FGD3: variants seen among roughly 807,000 people sequenced by gnomAD.
FGD3 encodes FYVE, RhoGEF and PH domain containing 3.
Under a neutral mutation model 71.8 loss-of-function variants are expected in FGD3, and 45 were observed. The observed-to-expected ratio is 0.63, with a 90% CI of 0.49 to 0.80. FGD3 has a LOEUF of 0.80. Ranked by LOEUF, FGD3 falls within the 30% of genes least tolerant of loss-of-function variation. The probability of loss-of-function intolerance (pLI) is 0.00; values close to 1 mark genes in which losing one functional copy is unlikely to be tolerated. For synonymous variants in FGD3, 378 were observed against 392.8 expected (o/e 0.96, Z 0.44); for missense variants, 844 against 951.5 (o/e 0.89, Z 1.49).
chr9:93,020,184 G>C, intron 12 of FGD3, 133 bp from the exon 13 acceptor site: 1 of 780,462 alleles, frequency 1.3e-6, no homozygotes, highest in Non-Finnish European at 2.0e-6. Flanking sequence ...GGGGAAGGGA[G>C]ATGGCCAGTG....
intron 2 of FGD3, among the ~76,000 whole-genome samples, chr9:92,975,938 T>C (rs1859735396): frequency 6.6e-6 from 1 of 152,214 alleles, no homozygotes; most frequent in African/African-American, 2.4e-5. Flanking sequence ...AGCAGATAGC[T>C]TCACACCACA....
chr9:93,018,305 C>A lies in FGD3; in HGVS notation c.1355+90C>A, dbSNP rs891158775. The stretch of plus-strand genomic sequence containing the variant: ...ACCTTGTAATATATTTTTATTTATG[C>A]ATGGCTTAAAATTTAAAAGTACTGT... On this transcript the variant is annotated intron_variant, in intron 11 of 17. Coordinates refer to ENST00000375482, the MANE Select transcript of FGD3 (RefSeq NM_001083536.2). 3.2e-6 allele frequency: 4 copies of A among 1,239,156 alleles called. 1 individual carries two copies. 76.8% of individuals were successfully genotyped at this position (1,239,156 alleles called of 1,614,324 possible).
intron 1 of FGD3, among the ~76,000 whole-genome samples, chr9:92,967,199 G>A (rs987444175): frequency 3.3e-5 from 5 of 152,128 alleles, no homozygotes; most frequent in Admixed American, 6.5e-5. Flanking sequence ...CTGACCTCAG[G>A]TGATCCATCT....
intron 1 of FGD3, among the ~76,000 whole-genome samples, 196 bp from the exon 2 acceptor site, chr9:92,975,042 T>G (rs1028561302): frequency 1.1e-4 from 16 of 152,304 alleles, no homozygotes; most frequent in African/African-American, 3.4e-4. Context: ...GGCCCCACCC[T>G]TTTGGAGGCA....
intron 17 of FGD3, 30 bp from the exon 18 acceptor site, chr9:93,035,308 C>T (rs1377237572): frequency 1.3e-6 from 2 of 1,595,166 alleles, no homozygotes; most frequent in Non-Finnish European, 1.7e-6. Context: ...GAAGCTGTGG[C>T]CCCGCTGACC....
At chr9:93,004,233 T>G (rs1408255709) in intron 5 of FGD3, 96 bp downstream of exon 5, 2 of 1,500,384 alleles carry the variant, frequency 1.3e-6, no homozygotes, top group Non-Finnish European at 1.8e-6. Flanking sequence ...GGGGACTGTC[T>G]CATGGTGGCT....
At chr9:92,994,035 C>T (rs952413021) in intron 3 of FGD3, among the ~76,000 whole-genome samples, 61 of 152,190 alleles carry the variant, frequency 4.0e-4, no homozygotes, top group African/African-American at 1.4e-3. Context: ...CTTGAGGAAT[C>T]GCCACACTGT....
chr9:93,035,315 G>C, intron 17 of FGD3, 23 bp from the exon 18 acceptor site: 1 of 1,600,966 alleles, frequency 6.2e-7, no homozygotes, highest in Non-Finnish European at 8.5e-7. Context: ...TGGCCCCGCT[G>C]ACCATCTGCT....
intron 1 of FGD3, among the ~76,000 whole-genome samples, chr9:92,966,337 C>T (rs1322821502): frequency 6.6e-6 from 1 of 152,230 alleles, no homozygotes; most frequent in Non-Finnish European, 1.5e-5. Context: ...CCCGTGGTGC[C>T]TCCGTCCCCA....
chr9:93,023,795 C>CCTTTTTTTTT (rs1862017356), intron 14 of FGD3, among the ~76,000 whole-genome samples: 2 of 107,688 alleles, frequency 1.9e-5, no homozygotes, highest in African/African-American at 7.7e-5. Context: ...CCATCAGCAA[C>CCTTTTTTTTT]TTTTTTTTTT....
At chr9:92,983,815 A>G (rs1860088748) in intron 3 of FGD3, among the ~76,000 whole-genome samples, 2 of 152,348 alleles carry the variant, frequency 1.3e-5, no homozygotes, top group South Asian at 4.1e-4. Context: ...TTTATCATAT[A>G]TAATTTAAAA....
chr9:93,014,074 G>A lies in FGD3; in HGVS notation c.1182+76G>A, dbSNP rs961695206. The A allele has an allele frequency of 8.0e-6, 12 of 1,496,232 alleles. No individual in the cohort carries two copies. The African/African-American group carries it at 1.6e-4, about 19-fold the overall frequency. 92.7% of individuals were successfully genotyped at this position (1,496,232 alleles called of 1,614,324 possible). On this transcript the variant is annotated intron_variant, in intron 9 of 17. Coordinates refer to ENST00000375482, the MANE Select transcript of FGD3 (RefSeq NM_001083536.2). ...CTCAAGCCCAGGGCAGTGCCAGGAG[G>A]GCTCTGGCTGCCCAAGGACATGGCT...
intron 3 of FGD3, among the ~76,000 whole-genome samples, chr9:92,986,186 A>G (rs567971224): frequency 2.6e-5 from 4 of 152,176 alleles, no homozygotes; most frequent in African/African-American, 9.6e-5. Flanking sequence ...TCTCTGTCCT[A>G]TGGGTCTCTT....
intron 1 of FGD3, among the ~76,000 whole-genome samples, chr9:92,972,977 T>C (rs1859591098): frequency 6.6e-6 from 1 of 152,148 alleles, no homozygotes; most frequent in South Asian, 2.1e-4. Context: ...TTTTAGAACA[T>C]AGGATGACAC....
chr9:92,994,101 A>G (rs186937465), intron 3 of FGD3, among the ~76,000 whole-genome samples: 3 of 152,172 alleles, frequency 2.0e-5, no homozygotes, highest in East Asian at 1.9e-4. Context: ...AAGCGTTCCT[A>G]TTTCTCCACA....
intron 5 of FGD3, among the ~76,000 whole-genome samples, chr9:93,005,578 G>C (rs929032510): frequency 4.6e-5 from 7 of 152,110 alleles, no homozygotes; most frequent in African/African-American, 1.7e-4. Context: ...GCAAATCTCT[G>C]TCCAAAGCAG....
intron 3 of FGD3, among the ~76,000 whole-genome samples, chr9:92,993,571 T>C (rs1860505517): frequency 6.6e-6 from 1 of 152,162 alleles, no homozygotes; most frequent in Non-Finnish European, 1.5e-5. Context: ...ACCCGTTAAC[T>C]CATCATTTAC....
At chr9:92,991,415 C>CAT (rs1159078520) in intron 3 of FGD3, among the ~76,000 whole-genome samples, 1 of 152,102 alleles carries the variant, frequency 6.6e-6, no homozygotes, top group Admixed American at 6.6e-5. Flanking sequence ...TTCATCCATT[C>CAT]ATCATTCAGG....
intron 15 of FGD3, among the ~76,000 whole-genome samples, chr9:93,030,721 G>C (rs1020070928): frequency 1.1e-4 from 14 of 129,950 alleles, no homozygotes; most frequent in Non-Finnish European, 1.9e-4. Flanking sequence ...GGGGCAGCAG[G>C]GGGGGGGGAA....
Sources: allele counts gnomAD v4.1 joint callset (sites outside exome capture counted in the v4.1 genomes callset), GRCh38; gene constraint gnomAD v4.1.1; transcripts MANE v1.5; gene names NCBI Gene and HGNC (gene_info 2026-07-23, HGNC 2026-07-21).